Variants in MCC observed in about 807,000 individuals in gnomAD.
MCC encodes the protein colorectal mutant cancer protein.
A neutral mutation model predicts 116.2 loss-of-function variants in MCC; 90 were observed. The observed-to-expected ratio is 0.77, with a 90% CI of 0.65 to 0.92. The LOEUF (loss-of-function observed/expected upper bound fraction) is 0.92. MCC is among the 40% of genes least tolerant of loss of function. MCC has a pLI of 0.00. For missense variants in MCC, 1,516 were observed against 1,312.2 expected, an observed-to-expected ratio of 1.16 and a Z score of -2.40; for synonymous variants, 578 against 510.5, an observed-to-expected ratio of 1.13 and a Z score of -1.78.
intron 1 of MCC, among the ~76,000 whole-genome samples, chr5:113,385,881 G>T (rs1342900429): frequency 6.6e-6 from 1 of 152,128 alleles, no homozygotes; most frequent in Non-Finnish European, 1.5e-5. Context: ...GCAGTGGATA[G>T]ATCTAAGATA....
intron 1 of MCC, among the ~76,000 whole-genome samples, chr5:113,457,669 C>T (rs1437910954): frequency 3.3e-5 from 5 of 151,390 alleles, no homozygotes; most frequent in African/African-American, 1.2e-4. Context: ...ATACACCAAT[C>T]GGCACTCTGT....
chr5:113,200,962 T>C (rs1762645094), intron 3 of MCC, among the ~76,000 whole-genome samples: 3 of 152,220 alleles, frequency 2.0e-5, no homozygotes, highest in African/African-American at 2.4e-5. Flanking sequence ...CATTCTGCCA[T>C]AGGTGATCTG....
intron 3 of MCC, among the ~76,000 whole-genome samples, chr5:113,287,498 T>C (rs539566731): frequency 1.3e-5 from 2 of 152,256 alleles, no homozygotes; most frequent in African/African-American, 2.4e-5. Flanking sequence ...GGCTAACTTT[T>C]GTATTTTTAG....
chr5:113,255,786 C>T (rs182327804), intron 3 of MCC, among the ~76,000 whole-genome samples: 1 of 152,316 alleles, frequency 6.6e-6, no homozygotes, highest in African/African-American at 2.4e-5. Context: ...CAAGCCACCA[C>T]ATTTGCCCTC....
At chr5:113,284,508 G>A (rs1031429016) in intron 3 of MCC, among the ~76,000 whole-genome samples, 8 of 152,140 alleles carry the variant, frequency 5.3e-5, no homozygotes, top group Non-Finnish European at 8.8e-5. Flanking sequence ...TAAATATCCT[G>A]TAATATAGAA....
intron 3 of MCC, among the ~76,000 whole-genome samples, chr5:113,262,895 A>G (rs1765266349): frequency 6.6e-6 from 1 of 152,184 alleles, no homozygotes; most frequent in Non-Finnish European, 1.5e-5. Flanking sequence ...CTCTAACCAC[A>G]TTAGCCTCAG....
At chr5:113,449,968 T>C (rs188746338) in intron 1 of MCC, among the ~76,000 whole-genome samples, 138 of 152,348 alleles carry the variant, frequency 9.1e-4, no homozygotes, top group African/African-American at 3.3e-3. Context: ...CTTTTTCCTT[T>C]ATAAAGAGAA....
chr5:113,488,176 A>G (rs1439081323), intron 1 of MCC, 69 bp downstream of exon 1: 79 of 1,487,628 alleles, frequency 5.3e-5, no homozygotes, highest in Non-Finnish European at 7.1e-5. Context: ...GAGGGGGCAG[A>G]GCAGGGGTCA....
At chr5:113,485,782 G>T (rs1772508860) in intron 1 of MCC, among the ~76,000 whole-genome samples, 1 of 152,168 alleles carries the variant, frequency 6.6e-6, no homozygotes, top group Admixed American at 6.5e-5. Flanking sequence ...CTATGGTTAG[G>T]TTACTGTGAT....
At chr5:113,275,962 CTTGTT>C (rs1352673577) in intron 3 of MCC, among the ~76,000 whole-genome samples, 29 of 145,010 alleles carry the variant, frequency 2.0e-4, no homozygotes, top group Non-Finnish European at 1.5e-4. Context: ...ATTGATTTCA[CTTGTT>C]TTGTTTTTTT....
intron 8 of MCC, among the ~76,000 whole-genome samples, chr5:113,098,122 T>G (rs1756152910): frequency 6.6e-6 from 1 of 152,242 alleles, no homozygotes. Flanking sequence ...GGACACAGTT[T>G]CATGTGCCTG....
At chr5:113,126,910 T>C (rs1328723551) in intron 5 of MCC, among the ~76,000 whole-genome samples, 1 of 152,204 alleles carries the variant, frequency 6.6e-6, no homozygotes, top group Non-Finnish European at 1.5e-5. Flanking sequence ...TGAGTACATG[T>C]GAGGGTTTGT....
At chr5:113,153,642 C>T (rs1266886555) in intron 3 of MCC, among the ~76,000 whole-genome samples, 1 of 152,168 alleles carries the variant, frequency 6.6e-6, no homozygotes, top group East Asian at 1.9e-4. Flanking sequence ...TCTACTAGGG[C>T]AGAGATGAGT....
intron 3 of MCC, among the ~76,000 whole-genome samples, chr5:113,241,238 T>C (rs1410022650): frequency 6.6e-6 from 1 of 152,144 alleles, no homozygotes; most frequent in Non-Finnish European, 1.5e-5. Context: ...TTCTCACCTT[T>C]CCTTTCCAAC....
intron 1 of MCC, among the ~76,000 whole-genome samples, chr5:113,465,482 A>G (rs996522037): frequency 2.0e-5 from 3 of 152,158 alleles, no homozygotes; most frequent in African/African-American, 7.2e-5. Context: ...GAGTTTTAAC[A>G]TACGCAAAAG....
At position 113,385,146 on chromosome 5, in the gene MCC, C is replaced by T. The variant is rs771245696; in HGVS notation, c.237G>A (p.Gln79=). ...MEESVAEIMN[Q]LGADENGKIS... ...TCTTCCCATTTTCATCTGCTCCCAACTGGTTCATGATCTCAGCCACAGACT... is the reference window on the plus strand; with the variant it reads ...TCTTCCCATTTTCATCTGCTCCCAATTGGTTCATGATCTCAGCCACAGACT... The change falls in exon 2 of 19, where the codon CAG becomes CAA. Residue 79 remains glutamine (Q), a synonymous_variant. Coordinates refer to ENST00000408903, the MANE Select transcript of MCC (RefSeq NM_001085377.2). 1 of 1,614,200 alleles carries T rather than the reference C, an allele frequency of 6.2e-7. No homozygotes were observed. The highest frequency in any genetic ancestry group is 8.5e-7 in the Non-Finnish European group (1 of 1,180,044).
intron 3 of MCC, among the ~76,000 whole-genome samples, chr5:113,261,942 AACT>A (rs1291122302): frequency 3.9e-5 from 6 of 152,304 alleles, no homozygotes; most frequent in African/African-American, 7.2e-5. Context: ...GTACACAAAA[AACT>A]ACATTATTAA....
chr5:113,370,750 G>C (rs1476961040), intron 2 of MCC, among the ~76,000 whole-genome samples: 1 of 152,038 alleles, frequency 6.6e-6, no homozygotes, highest in Admixed American at 6.6e-5. Flanking sequence ...TTCCAGCATT[G>C]AACATATATG....
rs1048975679 is a variant in MCC at position 113,259,819 on chromosome 5, G to A, written c.627+80700C>T. ...ACACACAAAAAATTTGCAACCTCCAGCATAAATGGGTTAATTTTCATCATA... is the reference window on the plus strand; with the variant it reads ...ACACACAAAAAATTTGCAACCTCCAACATAAATGGGTTAATTTTCATCATA... On this transcript the variant is annotated intron_variant, in intron 3 of 18. Coordinates refer to ENST00000408903, the MANE Select transcript of MCC (RefSeq NM_001085377.2). Among the ~76,000 whole-genome samples, 4 of 151,972 alleles carry A rather than the reference G, an allele frequency of 2.6e-5. No individual in the cohort carries two copies. In the East Asian group the frequency reaches 7.7e-4, roughly 29 times the overall value.
Sources: allele counts gnomAD v4.1 joint callset (sites outside exome capture counted in the v4.1 genomes callset), GRCh38; gene constraint gnomAD v4.1.1; transcripts MANE v1.5; gene names NCBI Gene and HGNC (gene_info 2026-07-23, HGNC 2026-07-21).